Variants in ROR1 observed in about 807,000 individuals in gnomAD.
The protein encoded by ROR1 is inactive tyrosine-protein kinase transmembrane receptor ROR1.
Under a neutral mutation model 78.8 loss-of-function variants are expected in ROR1, and 19 were observed. The ratio of observed to expected loss-of-function variants is 0.24; its 90% CI spans 0.17 to 0.35. The LOEUF (loss-of-function observed/expected upper bound fraction) is 0.35. Ranked by LOEUF, ROR1 falls within the 10% of genes least tolerant of loss-of-function variation. The pLI is 1.00. For missense variants in ROR1, 917 were observed against 1,177.8 expected (o/e 0.78, Z 3.24); for synonymous variants, 386 against 433.6 (o/e 0.89, Z 1.36).
intron 1 of ROR1, among the ~76,000 whole-genome samples, chr1:63,798,312 C>T (rs606562): frequency 7.9e-5 from 12 of 151,956 alleles, no homozygotes; most frequent in Admixed American, 2.6e-4. Context: ...TTCAATAAGA[C>T]GCCCCACTTT....
chr1:63,850,868 G>A (rs891378847), intron 1 of ROR1, among the ~76,000 whole-genome samples: 6 of 152,178 alleles, frequency 3.9e-5, no homozygotes, highest in African/African-American at 1.2e-4. Flanking sequence ...AGATACTGGG[G>A]CCCAATTTAC....
At chr1:64,147,010 T>C (rs11208366) in intron 7 of ROR1, among the ~76,000 whole-genome samples, 25,628 of 152,220 alleles carry the variant, frequency 0.17, 2,374 homozygotes, top group Non-Finnish European at 0.2. Flanking sequence ...AAAGCTCATG[T>C]TCTTTTACCA....
At chr1:63,933,670 G>A (rs1645771834) in intron 1 of ROR1, among the ~76,000 whole-genome samples, 1 of 152,176 alleles carries the variant, frequency 6.6e-6, no homozygotes, top group Non-Finnish European at 1.5e-5. Context: ...TACTATGCCT[G>A]TAATTTAAAT....
chr1:63,851,313 T>G (rs747956055), intron 1 of ROR1, among the ~76,000 whole-genome samples: 10 of 152,344 alleles, frequency 6.6e-5, no homozygotes, highest in Non-Finnish European at 1.0e-4. Flanking sequence ...AATGAGAGAT[T>G]GCATTAGTCA....
At chr1:63,877,755 A>G (rs1182753842) in intron 1 of ROR1, among the ~76,000 whole-genome samples, 1 of 152,176 alleles carries the variant, frequency 6.6e-6, no homozygotes, top group African/African-American at 2.4e-5. Context: ...TTAAAGAGGA[A>G]AATTTATCAG....
chr1:63,900,931 A>G lies in ROR1; in HGVS notation c.92-108374A>G, dbSNP rs1412186842. Among the ~76,000 whole-genome samples the G allele has an allele frequency of 3.3e-5, 5 of 152,146 alleles. No homozygotes were observed. The East Asian group carries it at 7.7e-4, about 23-fold the overall frequency. On this transcript the variant is annotated intron_variant, in intron 1 of 8. Transcript: ENST00000371079. Reference sequence around the variant, plus strand: ...GGCCAGGCATTCTCCTATGCACATTACAAACAGTAACTCACATATCCTCAT... The same window carrying G: ...GGCCAGGCATTCTCCTATGCACATTGCAAACAGTAACTCACATATCCTCAT...
At chr1:64,053,805 G>A (rs995284944) in intron 4 of ROR1, among the ~76,000 whole-genome samples, 2 of 152,126 alleles carry the variant, frequency 1.3e-5, no homozygotes, top group Non-Finnish European at 2.9e-5. Flanking sequence ...ATAATTCATA[G>A]ATTGTTATAT....
intron 4 of ROR1, among the ~76,000 whole-genome samples, chr1:64,053,774 C>T (rs1174680460): frequency 1.3e-5 from 2 of 152,202 alleles, no homozygotes; most frequent in South Asian, 2.1e-4. Flanking sequence ...ATGTTTTGTT[C>T]ATGGGCCAAA....
At chr1:64,063,191 A>G (rs1646930466) in intron 4 of ROR1, among the ~76,000 whole-genome samples, 1 of 152,172 alleles carries the variant, frequency 6.6e-6, no homozygotes, top group Non-Finnish European at 1.5e-5. Flanking sequence ...TAGAAAATGC[A>G]TGGAGGAAAC....
At chr1:63,852,074 G>T (rs991024626) in intron 1 of ROR1, among the ~76,000 whole-genome samples, 3 of 152,258 alleles carry the variant, frequency 2.0e-5, no homozygotes, top group African/African-American at 7.2e-5. Context: ...ATCCTTCAGA[G>T]TTGAAGTAAT....
chr1:63,873,222 T>C (rs1322733178), intron 1 of ROR1, among the ~76,000 whole-genome samples: 9 of 152,158 alleles, frequency 5.9e-5, no homozygotes, highest in East Asian at 5.8e-4. Context: ...TCCACTGATA[T>C]GTTTGCTCCT....
chr1:64,178,502 G>A lies in ROR1; in HGVS notation c.2461G>A (p.Gly821Arg). The A allele has an allele frequency of 6.2e-7, 1 of 1,614,140 alleles. No homozygotes were observed. The highest frequency in any genetic ancestry group is 8.5e-7 in the Non-Finnish European group (1 of 1,180,030). The stretch of plus-strand genomic sequence containing the variant: ...GAACCAGCGATTCATTCCCATCAAT[G>A]GATACCCAATACCTCCTGGATATGC... ...PQNQRFIPIN[G>R]YPIPPGYAAF... Residue 821 changes from glycine (G) to arginine (R), a missense_variant, in exon 9 of 9, where the codon GGA becomes AGA. Physicochemically the swap from Gly to Arg is moderately radical, Grantham distance 125. Transcript: ENST00000371079. This position sits in a 1 kb window ranked among gnomAD's most constrained non-coding sequence, Gnocchi z 4.3.
At chr1:63,971,043 G>A (rs1159734447) in intron 1 of ROR1, among the ~76,000 whole-genome samples, 2 of 152,204 alleles carry the variant, frequency 1.3e-5, no homozygotes, top group African/African-American at 4.8e-5. Context: ...CCTGGTTGCT[G>A]GAGGACCCAG....
At chr1:63,880,344 C>G (rs1425819810) in intron 1 of ROR1, among the ~76,000 whole-genome samples, 1 of 152,118 alleles carries the variant, frequency 6.6e-6, no homozygotes, top group South Asian at 2.1e-4. Context: ...ATATTCTTCT[C>G]ATGGGGCCTT....
chr1:64,060,972 AG>A (rs1448525317), intron 4 of ROR1, among the ~76,000 whole-genome samples: 1 of 150,608 alleles, frequency 6.6e-6, no homozygotes, highest in African/African-American at 2.5e-5. Context: ...CTTTGTGTGC[AG>A]GGTACATTTA....
chr1:63,942,627 A>G (rs1645850163), intron 1 of ROR1, among the ~76,000 whole-genome samples: 1 of 152,148 alleles, frequency 6.6e-6, no homozygotes, highest in African/African-American at 2.4e-5. Flanking sequence ...CCTTTTAGAA[A>G]AAGCTTTGCA....
At chr1:63,991,870 C>T (rs139544823) in intron 1 of ROR1, among the ~76,000 whole-genome samples, 4 of 152,164 alleles carry the variant, frequency 2.6e-5, no homozygotes, top group Non-Finnish European at 5.9e-5. Context: ...AATGCAATGA[C>T]CCTTCTCTCT....
At chr1:64,014,653 T>TTA (rs1240044652) in intron 2 of ROR1, among the ~76,000 whole-genome samples, 17 of 116,900 alleles carry the variant, frequency 1.5e-4, no homozygotes, top group Middle Eastern at 4.4e-3. Context: ...ACCTACTACT[T>TTA]AAAAAAAAAA....
intron 1 of ROR1, among the ~76,000 whole-genome samples, chr1:63,940,724 G>C (rs1645831973): frequency 6.6e-6 from 1 of 152,138 alleles, no homozygotes; most frequent in African/African-American, 2.4e-5. Flanking sequence ...TAAGGAACAG[G>C]ATATTTGTAT....
Sources: gnomAD v4.1 joint callset for allele counts (sites outside exome capture counted in the v4.1 genomes callset) on GRCh38, gnomAD v4.1.1 for gene constraint, Gnocchi (gnomAD v3.1) non-coding constraint, MANE v1.5 for transcripts, NCBI Gene and HGNC (gene_info 2026-07-23, HGNC 2026-07-21) for gene names.